The following CNTRL variants were observed in gnomAD, a reference collection of about 807,000 sequenced individuals.
CNTRL encodes centriolin.
Under a neutral mutation model 303.7 loss-of-function variants are expected in CNTRL, and 233 were observed. That is an observed-to-expected ratio of 0.77 (90% CI 0.69 to 0.86). The LOEUF (loss-of-function observed/expected upper bound fraction) is 0.86. Among genes scored for constraint, CNTRL ranks in the 40% least tolerant of loss-of-function variants. CNTRL has a pLI of 0.00. For missense variants in CNTRL, 2,524 were observed against 2,650.6 expected, an observed-to-expected ratio of 0.95 and a Z score of 1.05; for synonymous variants, 900 against 922.2, an observed-to-expected ratio of 0.98 and a Z score of 0.44.
intron 9 of CNTRL, 84 bp from the exon 10 acceptor site, chr9:121,113,418 T>A (rs183383210): frequency 1.5e-6 from 1 of 659,756 alleles, no homozygotes; most frequent in Non-Finnish European, 2.5e-6. Context: ...TTCTGTGATA[T>A]GTTTGCCACT....
At chr9:121,093,529 G>A (rs1051876307) in intron 4 of CNTRL, among the ~76,000 whole-genome samples, 2 of 152,198 alleles carry the variant, frequency 1.3e-5, no homozygotes, top group Non-Finnish European at 2.9e-5. Flanking sequence ...TAGTCAACCT[G>A]TAGAATAGGA....
At chr9:121,115,897 A>C (rs887520238) in intron 11 of CNTRL, among the ~76,000 whole-genome samples, 7 of 152,242 alleles carry the variant, frequency 4.6e-5, no homozygotes, top group African/African-American at 1.7e-4. Flanking sequence ...TGTTACTTTC[A>C]GATTTTATAC....
intron 14 of CNTRL, 54 bp from the exon 15 acceptor site, chr9:121,135,752 A>T: frequency 6.7e-7 from 1 of 1,483,982 alleles, no homozygotes; most frequent in Non-Finnish European, 9.1e-7. Context: ...TGCCTTGCAA[A>T]TGCTTAAGCA....
At chr9:121,123,779 T>A (rs1464944799) in intron 12 of CNTRL, 152 bp from the exon 13 acceptor site, 49 of 490,836 alleles carry the variant, frequency 1.0e-4, no homozygotes, top group South Asian at 3.5e-4. Flanking sequence ...AAATGAAAAC[T>A]ACCCATGTGA....
In CNTRL at chr9:121,149,379, G is replaced by C. The variant is rs2052074953; in HGVS notation, c.3649+518G>C. 2.0e-5 allele frequency among the ~76,000 whole-genome samples: 3 copies of C among 151,128 alleles called. No homozygotes were observed. In the South Asian group the frequency reaches 6.3e-4, roughly 31 times the overall value. ...TGTGAATACTACCTTCTGAGAATTT[G>C]TTCATTCAGAAACTTTTTTTTGTTT... On this transcript the variant is annotated intron_variant, in intron 24 of 43. Coordinates refer to ENST00000373855, the MANE Select transcript of CNTRL (RefSeq NM_007018.6).
At position 121,165,024 on chromosome 9, in the gene CNTRL, G is replaced by C. The variant is rs144595529; in HGVS notation, c.5505G>C (p.Gln1835His). The change falls in exon 35 of 44, where the codon CAG (glutamine) becomes CAC (histidine). Residue 1835 changes from glutamine (Q) to histidine (H), a missense_variant. By Grantham distance (24) the Gln-to-His change is conservative (BLOSUM62 0). Transcript: ENST00000373855. The stretch of plus-strand genomic sequence containing the variant: ...TGGAATTGAATGTCAGAAAACTGCA[G>C]CAGGAACTAGACCAACTAAACAGAG... ...EKLELNVRKL[Q>H]QELDQLNRDK... is the part of the protein sequence containing the mutation. 12 of 1,610,456 alleles carry C rather than the reference G, an allele frequency of 7.5e-6. No homozygotes were observed. In the African/African-American group the frequency reaches 1.3e-4, roughly 18 times the overall value.
chr9:121,094,127 C>A (rs981856406), intron 4 of CNTRL, among the ~76,000 whole-genome samples: 21 of 146,104 alleles, frequency 1.4e-4, no homozygotes, highest in South Asian at 2.2e-4. Flanking sequence ...CCCACCCCCG[C>A]AAAAAAAAAG....
At chr9:121,152,746 G>A (rs2052351042) in intron 26 of CNTRL, 53 bp downstream of exon 26, 1 of 1,323,208 alleles carries the variant, frequency 7.6e-7, no homozygotes, top group Non-Finnish European at 1.1e-6. Context: ...GTTCATTAAT[G>A]CTGTCGAACA....
chr9:121,166,500 A>G (rs1181524115), intron 36 of CNTRL, among the ~76,000 whole-genome samples: 1 of 152,112 alleles, frequency 6.6e-6, no homozygotes, highest in East Asian at 1.9e-4. Context: ...TCTCTCATCC[A>G]TGACACAGAT....
Position 121,150,448 on chromosome 9 carries a change from G to A in CNTRL, c.3928G>A (p.Val1310Met). 1.2e-6 allele frequency: 2 copies of A among 1,614,172 alleles called. No homozygotes were observed. Among genetic ancestry groups the A allele is most frequent in the South Asian group, 1.1e-5 (1 of 91,082 alleles). The change falls in exon 25 of 44, where the codon GTG becomes ATG. Residue 1310 changes from valine to methionine, a missense_variant. Transcript: ENST00000373855. Reference protein sequence around the residue: ...NFSIPFIPMGVLHCNVPEHHN... With the variant: ...NFSIPFIPMGMLHCNVPEHHN... ...CTCCATCCCCTTCATCCCTATGGGT[G>A]TGCTGCATTGCAACGTCCCTGAACA...
intron 14 of CNTRL, among the ~76,000 whole-genome samples, chr9:121,135,187 C>T (rs1260071159): frequency 6.6e-6 from 1 of 152,186 alleles, no homozygotes; most frequent in African/African-American, 2.4e-5. Context: ...TTCTTGTTAG[C>T]ACTCATTTAA....
At chr9:121,118,656 T>G (rs1368223995) in intron 12 of CNTRL, 116 bp downstream of exon 12, 4 of 787,662 alleles carry the variant, frequency 5.1e-6, no homozygotes, top group South Asian at 5.1e-5. Flanking sequence ...TGTACAAATT[T>G]AAGTGATATA....
chr9:121,170,361 C>A (rs1401112667), intron 39 of CNTRL, among the ~76,000 whole-genome samples: 1 of 152,092 alleles, frequency 6.6e-6, no homozygotes, highest in East Asian at 1.9e-4. Flanking sequence ...CCAGGCTAGT[C>A]CTGAACTCCT....
chr9:121,171,324 G>T (rs757291967), intron 39 of CNTRL, 84 bp from the exon 40 acceptor site: 1 of 1,459,536 alleles, frequency 6.9e-7, no homozygotes, highest in African/African-American at 1.4e-5. Context: ...GGGGAATGAA[G>T]TTATAGAGCT....
chr9:121,088,120 T>G (rs895740679), intron 2 of CNTRL, among the ~76,000 whole-genome samples, 176 bp from the exon 3 acceptor site: 5 of 152,214 alleles, frequency 3.3e-5, no homozygotes, highest in Non-Finnish European at 7.3e-5. Context: ...CTTTTCTCTC[T>G]GGCAAGGTCA....
At chr9:121,133,009 A>T (rs2050957633) in intron 14 of CNTRL, among the ~76,000 whole-genome samples, 1 of 152,152 alleles carries the variant, frequency 6.6e-6, no homozygotes, top group Non-Finnish European at 1.5e-5. Flanking sequence ...TTCCTCTGGA[A>T]GCTTCTTCCC....
In CNTRL at chr9:121,161,938, T is replaced by G; in HGVS notation, c.5172T>G (p.Ser1724=). ...GLKLQHDQRV[S]ELEKTQVAVL... The stretch of plus-strand genomic sequence containing the variant: ...AGCTACAACATGACCAAAGGGTATC[T>G]GAATTAGAGAAGACTCAGGTGGCAG... Residue 1724 remains serine, a synonymous_variant, in exon 33 of 44, where the codon TCT becomes TCG. Transcript: ENST00000373855. 1 of 1,614,170 alleles carries G rather than the reference T, an allele frequency of 6.2e-7. No individual in the cohort carries two copies. Among genetic ancestry groups the G allele is most frequent in the Non-Finnish European group, 8.5e-7 (1 of 1,179,998 alleles).
At chr9:121,147,821 A>G (rs1178319571) in intron 23 of CNTRL, among the ~76,000 whole-genome samples, 2 of 152,202 alleles carry the variant, frequency 1.3e-5, no homozygotes, top group Non-Finnish European at 1.5e-5. Flanking sequence ...TCCTAAAGGA[A>G]GCCAACTCCT....
intron 36 of CNTRL, among the ~76,000 whole-genome samples, chr9:121,166,792 C>T (rs1198514982): frequency 2.0e-5 from 3 of 152,090 alleles, no homozygotes; most frequent in East Asian, 1.9e-4. Context: ...GAGGCCAAGG[C>T]GGGCAGATCA....
Sources: allele counts gnomAD v4.1 joint callset (sites outside exome capture counted in the v4.1 genomes callset), GRCh38; gene constraint gnomAD v4.1.1; transcripts MANE v1.5; gene names NCBI Gene and HGNC (gene_info 2026-07-23, HGNC 2026-07-21).